BABAM2: variants seen among roughly 807,000 people sequenced by gnomAD.
The protein encoded by BABAM2 is BRISC and BRCA1-A complex member 2.
In BABAM2, 31 loss-of-function variants were observed where a neutral mutation model predicts 54.7. That is an observed-to-expected ratio of 0.57 (90% CI 0.43 to 0.77). The LOEUF (loss-of-function observed/expected upper bound fraction) is 0.77, where lower values mean the gene tolerates loss of function less well. Among genes scored for constraint, BABAM2 ranks in the 30% least tolerant of loss-of-function variants. The pLI is 0.00. For missense variants in BABAM2, 364 were observed against 455.8 expected, an observed-to-expected ratio of 0.80 and a Z score of 1.83; for synonymous variants, 167 against 162.9, an observed-to-expected ratio of 1.03 and a Z score of -0.19.
At chr2:28,323,834 T>G (rs966945636) in intron 11 of BABAM2, among the ~76,000 whole-genome samples, 3 of 152,164 alleles carry the variant, frequency 2.0e-5, no homozygotes, top group African/African-American at 7.2e-5. Context: ...GTCACCTAGG[T>G]GGACTGCACA....
At chr2:27,950,532 T>C (rs563933916) in intron 3 of BABAM2, among the ~76,000 whole-genome samples, 12 of 152,326 alleles carry the variant, frequency 7.9e-5, no homozygotes, top group African/African-American at 2.9e-4. Context: ...CCTTTCTCTA[T>C]ATTGTTGGAT....
intron 11 of BABAM2, among the ~76,000 whole-genome samples, chr2:28,312,548 A>G (rs1164721948): frequency 6.6e-6 from 1 of 152,238 alleles, no homozygotes; most frequent in Non-Finnish European, 1.5e-5. Context: ...AGTACAACTC[A>G]GAATTACAAA....
intron 10 of BABAM2, among the ~76,000 whole-genome samples, chr2:28,261,491 G>A (rs541995675): frequency 7.3e-5 from 11 of 151,714 alleles, no homozygotes; most frequent in African/African-American, 1.7e-4. Context: ...CACCACACCC[G>A]GTTAATTTTT....
At chr2:27,962,017 ACCATGCCTG>A (rs977075281) in intron 3 of BABAM2, among the ~76,000 whole-genome samples, 5 of 152,226 alleles carry the variant, frequency 3.3e-5, no homozygotes, top group African/African-American at 1.2e-4. Context: ...GGCGTGTGCT[ACCATGCCTG>A]GCCCCCCTTA....
chr2:28,039,890 A>G (rs1676936742), intron 5 of BABAM2, among the ~76,000 whole-genome samples: 1 of 152,198 alleles, frequency 6.6e-6, no homozygotes, highest in African/African-American at 2.4e-5. Context: ...AGAAAGGCTG[A>G]CATTTTAACA....
chr2:28,140,246 T>C (rs1322878466), intron 7 of BABAM2, among the ~76,000 whole-genome samples: 3 of 152,204 alleles, frequency 2.0e-5, no homozygotes, highest in African/African-American at 7.2e-5. Context: ...TGTCAGACAC[T>C]TGATGGAAGT....
intron 7 of BABAM2, among the ~76,000 whole-genome samples, chr2:28,151,804 A>G (rs1053593694): frequency 2.6e-5 from 4 of 152,248 alleles, no homozygotes; most frequent in African/African-American, 9.6e-5. Flanking sequence ...TTCCCTAAAT[A>G]GAAAATTCAA....
intron 3 of BABAM2, among the ~76,000 whole-genome samples, chr2:27,987,393 G>A (rs1443761892): frequency 6.6e-6 from 1 of 152,188 alleles, no homozygotes; most frequent in Non-Finnish European, 1.5e-5. Flanking sequence ...GGACAGTAAT[G>A]TTACCTGTAA....
chr2:28,326,232 G>A (rs1429180400), intron 11 of BABAM2, among the ~76,000 whole-genome samples: 2 of 152,200 alleles, frequency 1.3e-5, no homozygotes, highest in African/African-American at 4.8e-5. Context: ...CAGCAGGTGA[G>A]CTGCGTGAGT....
chr2:28,139,366 G>A (rs1670849240), intron 7 of BABAM2, among the ~76,000 whole-genome samples: 1 of 149,022 alleles, frequency 6.7e-6, no homozygotes, highest in African/African-American at 2.5e-5. Flanking sequence ...AAAAAGAGGT[G>A]GAGACCATCC....
intron 6 of BABAM2, among the ~76,000 whole-genome samples, chr2:28,095,332 T>A (rs1222286901): frequency 6.6e-6 from 1 of 152,196 alleles, no homozygotes; most frequent in Non-Finnish European, 1.5e-5. Context: ...AGAGCCTTCA[T>A]CATAGGTTTT....
intron 6 of BABAM2, among the ~76,000 whole-genome samples, chr2:28,091,060 A>G (rs964853695): frequency 6.6e-6 from 1 of 152,182 alleles, no homozygotes; most frequent in African/African-American, 2.4e-5. Context: ...CCTTAACAAT[A>G]TATTTTCCAT....
At chr2:28,308,273 T>C (rs986814452) in intron 11 of BABAM2, 7 of 403,870 alleles carry the variant, frequency 1.7e-5, no homozygotes, top group African/African-American at 1.5e-4. Context: ...AAAAAGAAGA[T>C]CCAATCCACA....
intron 6 of BABAM2, among the ~76,000 whole-genome samples, chr2:28,100,879 G>A (rs1667024313): frequency 6.6e-6 from 1 of 152,176 alleles, no homozygotes; most frequent in African/African-American, 2.4e-5. Flanking sequence ...TGTTGTGGAG[G>A]TACTCATTCA....
At chr2:28,129,916 A>G (rs1409725525) in intron 7 of BABAM2, among the ~76,000 whole-genome samples, 1 of 152,258 alleles carries the variant, frequency 6.6e-6, no homozygotes, top group Admixed American at 6.5e-5. Flanking sequence ...GCTACATGGC[A>G]GAAGTAGTTT....
intron 4 of BABAM2, among the ~76,000 whole-genome samples, chr2:28,017,333 G>A (rs1674904153): frequency 7.7e-6 from 1 of 129,910 alleles, no homozygotes; most frequent in South Asian, 2.8e-4. Context: ...TTCAGTTCCA[G>A]TTTTGTTAGA....
intron 7 of BABAM2, among the ~76,000 whole-genome samples, chr2:28,222,623 G>C (rs1456022897): frequency 2.0e-5 from 3 of 152,150 alleles, no homozygotes; most frequent in Non-Finnish European, 4.4e-5. Context: ...TTTTGGTTTT[G>C]AAGCCTTAAG....
intron 3 of BABAM2, among the ~76,000 whole-genome samples, chr2:27,968,019 C>T (rs911171119): frequency 6.6e-6 from 1 of 152,274 alleles, no homozygotes; most frequent in East Asian, 1.9e-4. Flanking sequence ...GAAAAAAATC[C>T]CATATTCTGA....
intron 10 of BABAM2, among the ~76,000 whole-genome samples, chr2:28,276,579 C>T (rs545834631): frequency 6.6e-6 from 1 of 152,292 alleles, no homozygotes; most frequent in Non-Finnish European, 1.5e-5. Context: ...CATCACAGTG[C>T]CCACCTTCTT....
Sources: gnomAD v4.1 joint callset for allele counts (sites outside exome capture counted in the v4.1 genomes callset) on GRCh38, gnomAD v4.1.1 for gene constraint, MANE v1.5 for transcripts, NCBI Gene and HGNC (gene_info 2026-07-23, HGNC 2026-07-21) for gene names.